CACNA1D: variants seen among roughly 807,000 people sequenced by gnomAD.
CACNA1D encodes the protein calcium voltage-gated channel subunit alpha1 D.
Under a neutral mutation model 257.1 loss-of-function variants are expected in CACNA1D, and 55 were observed. The ratio of observed to expected loss-of-function variants is 0.21; its 90% confidence interval spans 0.17 to 0.27. The LOEUF is 0.27. Among genes scored for constraint, CACNA1D ranks in the 10% least tolerant of loss-of-function variants. The pLI is 1.00. For missense variants in CACNA1D, 1,876 were observed against 2,784.0 expected, an observed-to-expected ratio of 0.67 and a Z score of 7.34; for synonymous variants, 980 against 1,014.9, an observed-to-expected ratio of 0.97 and a Z score of 0.65.
At chr3:53,749,685 A>G (rs374653326) in intron 27 of CACNA1D, among the ~76,000 whole-genome samples, 1 of 152,246 alleles carries the variant, frequency 6.6e-6, no homozygotes, top group Non-Finnish European at 1.5e-5. Context: ...TATGAAATCC[A>G]TCGCCAGACC....
At chr3:53,509,197 G>A (rs2090999188) in intron 3 of CACNA1D, among the ~76,000 whole-genome samples, 1 of 147,796 alleles carries the variant, frequency 6.8e-6, no homozygotes, top group Admixed American at 6.6e-5. Context: ...GGAAATGGGT[G>A]GTATGGAGGA....
Position 53,654,476 on chromosome 3 carries a change from A to T in CACNA1D, c.623+3558A>T, listed in dbSNP as rs1383917830. On this transcript the variant is annotated intron_variant, in intron 4 of 47. Coordinates refer to ENST00000350061, the MANE Select transcript of CACNA1D (RefSeq NM_001128840.3). ...ATGTACTTATACAGTAGTTGGAATG[A>T]TTAAATATTATCTGAAGATAGACTG... Among the ~76,000 whole-genome samples, 9 of 152,322 alleles carry T rather than the reference A, an allele frequency of 5.9e-5. No homozygotes were observed. In the East Asian group the frequency reaches 1.7e-3, roughly 29 times the overall value.
Position 53,701,102 on chromosome 3 carries a change from C to T in CACNA1D, c.1221-1539C>T, listed in dbSNP as rs184222958. ...CCCTCGACAGCCTAGAGTTAAGAGA[C>T]GGGTGTGAATATGGGGTTAGTTTTG... On this transcript the variant is annotated intron_variant, in intron 8 of 47. Coordinates refer to ENST00000350061, the MANE Select transcript of CACNA1D (RefSeq NM_001128840.3). 6.0e-5 allele frequency among the ~76,000 whole-genome samples: 9 copies of T among 151,074 alleles called. No homozygotes were observed. The South Asian group carries it at 6.3e-4, about 11-fold the overall frequency.
intron 8 of CACNA1D, among the ~76,000 whole-genome samples, chr3:53,693,380 A>T (rs2094545435): frequency 6.6e-6 from 1 of 152,262 alleles, no homozygotes; most frequent in Non-Finnish European, 1.5e-5. Flanking sequence ...GAACAAATAC[A>T]ATGCTTTTGA....
chr3:53,552,887 T>C (rs2092563913), intron 3 of CACNA1D, among the ~76,000 whole-genome samples: 1 of 152,200 alleles, frequency 6.6e-6, no homozygotes, highest in South Asian at 2.1e-4. Context: ...AGGAACTACA[T>C]TTTATTTTGT....
chr3:53,576,983 T>G (rs1010281359), intron 3 of CACNA1D, among the ~76,000 whole-genome samples: 1 of 152,236 alleles, frequency 6.6e-6, no homozygotes, highest in African/African-American at 2.4e-5. Context: ...TTCTTCATAT[T>G]GGTTCCAAAG....
intron 3 of CACNA1D, among the ~76,000 whole-genome samples, chr3:53,502,875 C>T (rs2090663586): frequency 6.6e-6 from 1 of 152,098 alleles, no homozygotes; most frequent in Non-Finnish European, 1.5e-5. Flanking sequence ...ACAGGAAACT[C>T]TATTGTTTTT....
chr3:53,505,115 G>GTTTTTTTTTTTTTTTTTTTT (rs35938386), intron 3 of CACNA1D, among the ~76,000 whole-genome samples: 8 of 97,612 alleles, frequency 8.2e-5, no homozygotes, highest in Non-Finnish European at 1.2e-4. Context: ...TTGTTTATTT[G>GTTTTTTTTTTTTTTTTTTTT]TTTTTTTTTT....
At position 53,783,617 on chromosome 3, in the gene CACNA1D, G is replaced by A. The variant is rs898803622; in HGVS notation, c.4792+1950G>A. 1.5e-4 allele frequency among the ~76,000 whole-genome samples: 23 copies of A among 152,116 alleles called. No homozygotes were observed. In the East Asian group the frequency reaches 1.5e-3, roughly 10 times the overall value. On this transcript the variant is annotated intron_variant, in intron 39 of 47. Transcript: ENST00000350061. ...GATGTGCCCAGTGCAGGGCTTATCC[G>A]GGCTGAATCTCATGTGAGTGCTGTG...
At chr3:53,663,997 C>T (rs953542119) in intron 5 of CACNA1D, among the ~76,000 whole-genome samples, 17 of 152,112 alleles carry the variant, frequency 1.1e-4, no homozygotes, top group African/African-American at 3.9e-4. Context: ...AACTCCTGAC[C>T]TCAAGTGATC....
chr3:53,518,253 T>C (rs766625964), intron 3 of CACNA1D, among the ~76,000 whole-genome samples: 18 of 152,230 alleles, frequency 1.2e-4, no homozygotes, highest in Non-Finnish European at 2.6e-4. Context: ...TGTTTGATCT[T>C]ATGCTGTTTT....
intron 8 of CACNA1D, among the ~76,000 whole-genome samples, chr3:53,698,312 A>G (rs1206844875): frequency 6.6e-6 from 1 of 152,196 alleles, no homozygotes; most frequent in Non-Finnish European, 1.5e-5. Context: ...TCACTGGCTA[A>G]ATCCTGTAAT....
chr3:53,608,194 C>A (rs1208234058), intron 3 of CACNA1D, among the ~76,000 whole-genome samples: 1 of 151,950 alleles, frequency 6.6e-6, no homozygotes, highest in East Asian at 1.9e-4. Flanking sequence ...TTGTGGTTTT[C>A]AGTTTCAAAT....
At chr3:53,803,384 C>T (rs373323783) in intron 43 of CACNA1D, 39 bp from the exon 44 acceptor site, 119 of 1,612,670 alleles carry the variant, frequency 7.4e-5, no homozygotes, top group Middle Eastern at 6.6e-4. Flanking sequence ...AATTATCTGC[C>T]GCCTGCCCAG....
chr3:53,520,563 C>T (rs1017276401), intron 3 of CACNA1D, among the ~76,000 whole-genome samples: 4 of 152,130 alleles, frequency 2.6e-5, no homozygotes, highest in Non-Finnish European at 4.4e-5. Context: ...GCCAGGAGTT[C>T]GAGACCAGCC....
intron 3 of CACNA1D, among the ~76,000 whole-genome samples, chr3:53,628,309 C>G (rs17237537): frequency 0.14 from 21,123 of 152,136 alleles, 1,796 homozygotes; most frequent in Middle Eastern, 0.26. Context: ...TGTGGAAGGA[C>G]AGATGTTAAG....
intron 3 of CACNA1D, among the ~76,000 whole-genome samples, chr3:53,602,085 C>T (rs2107883944): frequency 6.6e-6 from 1 of 152,288 alleles, no homozygotes; most frequent in Non-Finnish European, 1.5e-5. Flanking sequence ...TATTTGTACC[C>T]ATTAAGAAGC....
chr3:53,794,713 G>A (rs560444364), intron 40 of CACNA1D, among the ~76,000 whole-genome samples: 2 of 152,310 alleles, frequency 1.3e-5, no homozygotes, highest in East Asian at 1.9e-4. Flanking sequence ...GAACATGCAA[G>A]CACAAAGACG....
At chr3:53,520,890 C>CTTTCTTTTCT (rs777679306) in intron 3 of CACNA1D, among the ~76,000 whole-genome samples, 28 of 120,640 alleles carry the variant, frequency 2.3e-4, no homozygotes, top group South Asian at 7.7e-4. Context: ...TTCTTTCTTT[C>CTTTCTTTTCT]TTTCTTTTCT....
Sources: allele counts gnomAD v4.1 joint callset (sites outside exome capture counted in the v4.1 genomes callset), GRCh38; gene constraint gnomAD v4.1.1; transcripts MANE v1.5; gene names NCBI Gene and HGNC (gene_info 2026-07-23, HGNC 2026-07-21).